Variants in CDK19 observed in about 807,000 individuals in gnomAD.
The protein encoded by CDK19 is cyclin dependent kinase 19.
Under a neutral mutation model 68.3 loss-of-function variants are expected in CDK19, and 20 were observed. The observed-to-expected ratio is 0.29, with a 90% CI of 0.21 to 0.43. CDK19 has a LOEUF of 0.43. Ranked by LOEUF, CDK19 falls within the 20% of genes least tolerant of loss-of-function variation. CDK19 has a pLI of 1.00. For synonymous variants in CDK19, 221 were observed against 222.8 expected, an observed-to-expected ratio of 0.99 and a Z score of 0.07; for missense variants, 339 against 623.5, an observed-to-expected ratio of 0.54 and a Z score of 4.86.
intron 1 of CDK19, among the ~76,000 whole-genome samples, chr6:110,783,520 C>A (rs1780969166): frequency 6.6e-6 from 1 of 151,478 alleles, no homozygotes; most frequent in Non-Finnish European, 1.5e-5. Context: ...CACTTGTAAT[C>A]CCAGCTTCTC....
chr6:110,655,857 G>A (rs1034987246), intron 4 of CDK19, among the ~76,000 whole-genome samples: 1 of 152,106 alleles, frequency 6.6e-6, no homozygotes, highest in Non-Finnish European at 1.5e-5. Flanking sequence ...CAGGAAACTG[G>A]ACACAGGAAA....
rs565851462 is a variant in CDK19 at position 110,655,920 on chromosome 6, T to A, written c.456+11514A>T. ...AGATCCACCATAATCTGGTCCTCTT[T>A]CTCCTGCCTCTTCTTTTACTACTTC... is the stretch of plus-strand genomic sequence containing the variant. On this transcript the variant is annotated intron_variant, in intron 4 of 12. Transcript: ENST00000368911. Among the ~76,000 whole-genome samples, 4 of 152,320 alleles carry A rather than the reference T, an allele frequency of 2.6e-5. No individual in the cohort carries two copies. In the South Asian group the frequency reaches 8.3e-4, roughly 32 times the overall value.
chr6:110,639,829 T>G (rs1041792765), intron 4 of CDK19, among the ~76,000 whole-genome samples: 75 of 152,060 alleles, frequency 4.9e-4, no homozygotes, highest in Non-Finnish European at 1.8e-4. Flanking sequence ...GATATGAAAA[T>G]GAACAGGAAC....
intron 1 of CDK19, among the ~76,000 whole-genome samples, chr6:110,768,911 G>T (rs1779779297): frequency 6.6e-6 from 1 of 152,048 alleles, no homozygotes; most frequent in Non-Finnish European, 1.5e-5. Flanking sequence ...CTAGCACTTT[G>T]GGGGTCCAAG....
At chr6:110,810,919 G>T (rs1278897935) in intron 1 of CDK19, among the ~76,000 whole-genome samples, 1 of 152,022 alleles carries the variant, frequency 6.6e-6, no homozygotes, top group Non-Finnish European at 1.5e-5. Context: ...CTTTTGGCAT[G>T]CAAAAAGGTT....
chr6:110,695,478 G>T (rs1348230784), intron 2 of CDK19, among the ~76,000 whole-genome samples: 1 of 152,102 alleles, frequency 6.6e-6, no homozygotes, highest in Non-Finnish European at 1.5e-5. Context: ...CCCAAAGTTA[G>T]CAGAAGAAAA....
chr6:110,762,384 T>C (rs1360842596), intron 1 of CDK19, among the ~76,000 whole-genome samples: 2 of 152,196 alleles, frequency 1.3e-5, no homozygotes, highest in Admixed American at 1.3e-4. Context: ...TTCTCTGCAT[T>C]CACCAAGCAT....
At chr6:110,806,922 G>A (rs555718505) in intron 1 of CDK19, among the ~76,000 whole-genome samples, 1 of 152,066 alleles carries the variant, frequency 6.6e-6, no homozygotes, top group African/African-American at 2.4e-5. Context: ...TGGTTGCAGT[G>A]AGCCAAGATC....
intron 2 of CDK19, among the ~76,000 whole-genome samples, chr6:110,716,262 T>C (rs1751497716): frequency 1.3e-5 from 2 of 152,170 alleles, no homozygotes; most frequent in Admixed American, 1.3e-4. Context: ...ATAATTTTTA[T>C]TAGAGTACGT....
chr6:110,623,250 T>C, intron 9 of CDK19, 40 bp downstream of exon 9: 1 of 1,530,000 alleles, frequency 6.5e-7, no homozygotes, highest in Non-Finnish European at 9.1e-7. Flanking sequence ...GCGAGATTTG[T>C]GCTGAGAATC....
chr6:110,681,256 C>A (rs1195534223), intron 2 of CDK19, among the ~76,000 whole-genome samples: 1 of 149,794 alleles, frequency 6.7e-6, no homozygotes, highest in African/African-American at 2.5e-5. Flanking sequence ...TAAGGCAGGA[C>A]AATCGCTTGA....
chr6:110,779,950 T>C (rs1048253509), intron 1 of CDK19, among the ~76,000 whole-genome samples: 3 of 151,948 alleles, frequency 2.0e-5, no homozygotes, highest in African/African-American at 7.3e-5. Context: ...CCAGGCGCAA[T>C]GGCTCACACC....
intron 2 of CDK19, among the ~76,000 whole-genome samples, chr6:110,697,447 T>C (rs1030281978): frequency 6.6e-6 from 1 of 152,022 alleles, no homozygotes; most frequent in African/African-American, 2.4e-5. Flanking sequence ...GAAATATACC[T>C]AACCAAGGAG....
At chr6:110,625,997 A>T (rs1376161903) in intron 8 of CDK19, among the ~76,000 whole-genome samples, 1 of 152,182 alleles carries the variant, frequency 6.6e-6, no homozygotes, top group Non-Finnish European at 1.5e-5. Context: ...TTTCTGCTCA[A>T]AGTAAATGCC....
intron 1 of CDK19, chr6:110,814,525 C>G (rs1305789239): frequency 2.2e-6 from 1 of 449,978 alleles, no homozygotes; most frequent in African/African-American, 2.0e-5. Context: ...TGGCGAGGAC[C>G]CCAGGCCGCG....
intron 2 of CDK19, among the ~76,000 whole-genome samples, chr6:110,692,565 GA>G (rs1484951161): frequency 6.6e-6 from 1 of 152,196 alleles, no homozygotes; most frequent in Admixed American, 6.5e-5. Context: ...AAACTTACCT[GA>G]GGGAATAATT....
intron 2 of CDK19, among the ~76,000 whole-genome samples, chr6:110,689,374 C>T (rs879833162): frequency 6.6e-6 from 1 of 152,160 alleles, no homozygotes; most frequent in Non-Finnish European, 1.5e-5. Flanking sequence ...CGGCCCCACC[C>T]ATCACCTGAA....
intron 2 of CDK19, among the ~76,000 whole-genome samples, chr6:110,705,568 G>A (rs185530349): frequency 5.3e-5 from 8 of 152,206 alleles, no homozygotes; most frequent in Admixed American, 1.3e-4. Context: ...CATTATAAGC[G>A]TCTGAAAAAG....
chr6:110,645,879 G>T, intron 4 of CDK19: 1 of 734,070 alleles, frequency 1.4e-6, no homozygotes, highest in Non-Finnish European at 2.3e-6. Flanking sequence ...TATCGTAGAC[G>T]AAAACAGCGG....
Sources: gnomAD v4.1 joint callset for allele counts (sites outside exome capture counted in the v4.1 genomes callset) on GRCh38, gnomAD v4.1.1 for gene constraint, MANE v1.5 for transcripts, NCBI Gene and HGNC (gene_info 2026-07-23, HGNC 2026-07-21) for gene names.